KATNAL2: variants seen among roughly 807,000 people sequenced by gnomAD.
The protein encoded by KATNAL2 is katanin p60 ATPase-containing subunit A-like 2.
A neutral mutation model predicts 76.3 loss-of-function variants in KATNAL2; 52 were observed. The ratio of observed to expected loss-of-function variants is 0.68; its 90% CI spans 0.55 to 0.86. KATNAL2 has a LOEUF of 0.86. Among genes scored for constraint, KATNAL2 ranks in the 40% least tolerant of loss-of-function variants. The pLI, the probability that KATNAL2 is intolerant of heterozygous loss-of-function variation, is 0.00. For missense variants in KATNAL2, 660 were observed against 668.9 expected (o/e 0.99, Z 0.15); for synonymous variants, 243 against 244.2 (o/e 1.00, Z 0.05).
intron 5 of KATNAL2, among the ~76,000 whole-genome samples, chr18:47,053,610 G>A (rs2061395181): frequency 6.6e-6 from 1 of 152,224 alleles, no homozygotes; most frequent in African/African-American, 2.4e-5. Context: ...CATTGACTGA[G>A]AAGTCTGTAA....
At chr18:47,094,595 C>CTTG (rs1257348019) in intron 15 of KATNAL2, among the ~76,000 whole-genome samples, 1 of 152,190 alleles carries the variant, frequency 6.6e-6, no homozygotes, top group Non-Finnish European at 1.5e-5. Flanking sequence ...GTGGCAAAGG[C>CTTG]TTGCCAACTG....
At chr18:47,050,374 G>C (rs1233323981) in intron 4 of KATNAL2, among the ~76,000 whole-genome samples, 1 of 152,168 alleles carries the variant, frequency 6.6e-6, no homozygotes, top group Non-Finnish European at 1.5e-5. Flanking sequence ...CTAGAATGTA[G>C]ATGGGTAGAA....
chr18:47,043,686 T>C (rs1363855665), intron 3 of KATNAL2, among the ~76,000 whole-genome samples: 1 of 151,890 alleles, frequency 6.6e-6, no homozygotes, highest in Non-Finnish European at 1.5e-5. Context: ...AAGCAAGAGG[T>C]GAGTGAGTAG....
chr18:47,060,800 GTAA>G (rs1465563711), intron 8 of KATNAL2, among the ~76,000 whole-genome samples: 2 of 152,180 alleles, frequency 1.3e-5, no homozygotes, highest in African/African-American at 4.8e-5. Flanking sequence ...CACTTACATG[GTAA>G]TTGCTGAAGA....
intron 3 of KATNAL2, among the ~76,000 whole-genome samples, chr18:47,031,769 C>A (rs368590612): frequency 6.6e-6 from 1 of 152,148 alleles, no homozygotes; most frequent in African/African-American, 2.4e-5. Flanking sequence ...TGAGCCTCCC[C>A]ACCTGGACTT....
At chr18:47,039,080 A>G (rs2060875232) in intron 3 of KATNAL2, among the ~76,000 whole-genome samples, 1 of 152,198 alleles carries the variant, frequency 6.6e-6, no homozygotes, top group Admixed American at 6.5e-5. Context: ...CATCATTTCC[A>G]TCTTGAATAG....
At chr18:47,089,010 A>G (rs770686581) in intron 15 of KATNAL2, among the ~76,000 whole-genome samples, 4 of 152,216 alleles carry the variant, frequency 2.6e-5, no homozygotes, top group African/African-American at 4.8e-5. Context: ...CAACCCTTTC[A>G]TAGTAGGCAT....
intron 2 of KATNAL2, 83 bp from the exon 3 acceptor site, chr18:46,946,771 G>A (rs1253246195): frequency 6.9e-6 from 9 of 1,312,518 alleles, no homozygotes; most frequent in Non-Finnish European, 9.5e-6. Flanking sequence ...TAGCCAATCC[G>A]GAAAGGGGCG....
chr18:47,098,843 C>T, intron 15 of KATNAL2: 1 of 168,218 alleles, frequency 5.9e-6, no homozygotes, highest in Admixed American at 5.7e-5. Context: ...CTGGCAAGAT[C>T]GGACTGAATA....
At chr18:46,953,436 C>G (rs541508677) in intron 3 of KATNAL2, among the ~76,000 whole-genome samples, 29 of 152,098 alleles carry the variant, frequency 1.9e-4, no homozygotes, top group Non-Finnish European at 2.9e-4. Context: ...GGCCAGAGGT[C>G]GAGACCAGCC....
In KATNAL2 at chr18:47,034,150, A is replaced by G; in HGVS notation, c.52-12307A>G. The G allele has an allele frequency of 6.2e-7, 1 of 1,614,204 alleles. No individual in the cohort carries two copies. The highest frequency in any genetic ancestry group is 8.5e-7 in the Non-Finnish European group (1 of 1,180,050). ...AGTGGGCTGCTCGAATTCCTCAGCC[A>G]TATCTACCTCCTCCACCTCAGAGAG... On this transcript the variant is annotated intron_variant, in intron 3 of 17. Transcript: ENST00000683218.
intron 15 of KATNAL2, among the ~76,000 whole-genome samples, chr18:47,097,994 T>C (rs1220843130): frequency 6.6e-6 from 1 of 152,196 alleles, no homozygotes; most frequent in East Asian, 1.9e-4. Context: ...CAAATGCCCT[T>C]CTTTGGAAAT....
chr18:46,954,603 A>G (rs1044368397), intron 3 of KATNAL2, among the ~76,000 whole-genome samples: 6 of 151,888 alleles, frequency 4.0e-5, no homozygotes, highest in Non-Finnish European at 8.8e-5. Context: ...TGCTGGGATT[A>G]CAGGTGTGAG....
intron 3 of KATNAL2, among the ~76,000 whole-genome samples, chr18:46,957,292 C>T (rs1212011098): frequency 2.3e-5 from 3 of 130,944 alleles, no homozygotes; most frequent in South Asian, 2.5e-4. Flanking sequence ...GTCTCGCTGT[C>T]GCCCAGGCTG....
intron 3 of KATNAL2, among the ~76,000 whole-genome samples, chr18:47,043,099 C>T (rs2061018927): frequency 1.3e-5 from 2 of 151,906 alleles, no homozygotes; most frequent in African/African-American, 4.8e-5. Flanking sequence ...TGGTGGCGGG[C>T]GTCTGTAGTC....
chr18:47,100,191 A>G, intron 16 of KATNAL2, 63 bp from the exon 17 acceptor site: 1 of 1,166,014 alleles, frequency 8.6e-7, no homozygotes, highest in Non-Finnish European at 1.3e-6. Flanking sequence ...TCCTGCCTAT[A>G]ACAACGTAAT....
At chr18:46,923,543 A>G (rs1040677916) in intron 1 of KATNAL2, among the ~76,000 whole-genome samples, 3 of 152,134 alleles carry the variant, frequency 2.0e-5, no homozygotes, top group Admixed American at 1.3e-4. Context: ...ATACATGTGC[A>G]TGTGTCTTTA....
At chr18:46,920,563 T>C (rs1221978941) in intron 1 of KATNAL2, among the ~76,000 whole-genome samples, 5 of 152,202 alleles carry the variant, frequency 3.3e-5, no homozygotes, top group African/African-American at 4.8e-5. Flanking sequence ...AGATTTCTAT[T>C]AGTTGCAATA....
In KATNAL2 at chr18:47,033,664, G is replaced by C. The variant is rs767809072; in HGVS notation, c.52-12793G>C. On this transcript the variant is annotated intron_variant, in intron 3 of 17. Transcript: ENST00000683218. ...GTCCGGATTGTTTCTAAGCACCTGG[G>C]CACACTGCTGGCGCAGCGTCGGCAC... is the stretch of plus-strand genomic sequence containing the variant. The C allele has an allele frequency of 3.7e-6, 6 of 1,614,178 alleles. No individual in the cohort carries two copies. The Admixed American group carries it at 1.0e-4, about 27-fold the overall frequency.
Sources: gnomAD v4.1 joint callset for allele counts (sites outside exome capture counted in the v4.1 genomes callset) on GRCh38, gnomAD v4.1.1 for gene constraint, MANE v1.5 for transcripts, NCBI Gene and HGNC (gene_info 2026-07-23, HGNC 2026-07-21) for gene names.